The following GREB1 variants were observed in gnomAD, a reference collection of about 807,000 sequenced individuals.
GREB1 encodes the protein protein GREB1.
In GREB1, 106 loss-of-function variants were observed where a neutral mutation model predicts 200.7. That is an observed-to-expected ratio of 0.53 (90% confidence interval 0.45 to 0.62). GREB1 has a LOEUF of 0.62. GREB1 is among the 20% of genes least tolerant of loss of function. The pLI, the probability that GREB1 is intolerant of heterozygous loss-of-function variation, is 0.00. For missense variants in GREB1, 2,243 were observed against 2,556.8 expected, an observed-to-expected ratio of 0.88 and a Z score of 2.65; for synonymous variants, 1,132 against 1,092.4, an observed-to-expected ratio of 1.04 and a Z score of -0.72.
intron 1 of GREB1, among the ~76,000 whole-genome samples, chr2:11,506,703 T>A (rs567160695): frequency 6.6e-6 from 1 of 152,108 alleles, no homozygotes; most frequent in Non-Finnish European, 1.5e-5. Flanking sequence ...AGGGATGAGA[T>A]CATGGAAGCT....
At chr2:11,527,789 G>A (rs907048005) in intron 1 of GREB1, among the ~76,000 whole-genome samples, 2 of 152,116 alleles carry the variant, frequency 1.3e-5, no homozygotes, top group African/African-American at 2.4e-5. Context: ...CTGGTGTGAC[G>A]GGTGCTCCAA....
Position 11,587,975 on chromosome 2 carries a change from C to T in GREB1, c.1160-771C>T, listed in dbSNP as rs1012034626. On this transcript the variant is annotated intron_variant, in intron 9 of 32. Coordinates refer to ENST00000381486, the MANE Select transcript of GREB1 (RefSeq NM_014668.4). ...GCACGGTGGCTCACGCCTGTAATCC[C>T]AGAACTTTGAGAGGCCGAGGCGGGT... 5.1e-6 allele frequency: 5 copies of T among 982,774 alleles called. No homozygotes were observed. The East Asian group carries it at 4.5e-4, about 88-fold the overall frequency. 60.9% of individuals were successfully genotyped at this position (982,774 alleles called of 1,614,324 possible).
At chr2:11,626,836 T>C in intron 24 of GREB1, 126 bp from the exon 25 acceptor site, 1 of 940,868 alleles carries the variant, frequency 1.1e-6, no homozygotes, top group Non-Finnish European at 1.7e-6. Flanking sequence ...TGAGAGGCAG[T>C]CCTCCCCAAC....
At chr2:11,583,595 C>T (rs1679742101) in intron 7 of GREB1, among the ~76,000 whole-genome samples, 1 of 152,050 alleles carries the variant, frequency 6.6e-6, no homozygotes, top group Non-Finnish European at 1.5e-5. Flanking sequence ...TGCATTGGCT[C>T]ACACCTATAA....
rs751413487 is a variant in GREB1 at position 11,634,330 on chromosome 2, G to A, written c.5191G>A (p.Val1731Met). 14 of 1,613,726 alleles carry A rather than the reference G, an allele frequency of 8.7e-6. No individual in the cohort carries two copies. The Admixed American group carries it at 1.0e-4, about 12-fold the overall frequency. ...CCTGAACGTGGACCTGACCCAGAACGTGCAGTACAACCAGAACCGGTGAGC... is the reference window on the plus strand; with the variant it reads ...CCTGAACGTGGACCTGACCCAGAACATGCAGTACAACCAGAACCGGTGAGC... ...IILNVDLTQN[V>M]QYNQNRFLCD... Residue 1731 changes from valine (V) to methionine (M), a missense_variant, in exon 29 of 33, where the codon GTG (valine) becomes ATG (methionine). Val to Met is a conservative substitution (Grantham distance 21, BLOSUM62 1). Transcript: ENST00000381486.
chr2:11,595,391 G>C lies in GREB1; in HGVS notation c.1825+12G>C. ...CACCCTCTGTCCAGGTAGGCTTGTC[G>C]TGAGACAGGTGCACATGCGTATGTT... On this transcript the variant is annotated intron_variant, in intron 12 of 32. Coordinates refer to ENST00000381486, the MANE Select transcript of GREB1 (RefSeq NM_014668.4). 6.2e-7 allele frequency: 1 copy of C among 1,611,444 alleles called. No homozygotes were observed. Among genetic ancestry groups the C allele is most frequent in the Non-Finnish European group, 8.5e-7 (1 of 1,178,284 alleles).
At chr2:11,552,927 G>T (rs1352138271) in intron 1 of GREB1, among the ~76,000 whole-genome samples, 17 of 148,474 alleles carry the variant, frequency 1.1e-4, no homozygotes, top group Admixed American at 1.0e-3. Flanking sequence ...GGAGAATGGC[G>T]TGAACCCGGG....
In GREB1 at chr2:11,620,925, C is replaced by T; in HGVS notation, c.4065C>T (p.Tyr1355=). ...GPPQIGKTGA[Y]LQFLSVLSRM... is the part of the protein sequence containing the mutation. Reference sequence around the variant, plus strand: ...TACAGATCGGGAAGACAGGTGCCTACCTGCAGTTCCTCAGTGTCCTGTCCA... The same window carrying T: ...TACAGATCGGGAAGACAGGTGCCTATCTGCAGTTCCTCAGTGTCCTGTCCA... The change falls in exon 23 of 33, where the codon TAC becomes TAT. Residue 1355 remains tyrosine, a synonymous_variant. Transcript: ENST00000381486. 2 of 1,610,802 alleles carry T rather than the reference C, an allele frequency of 1.2e-6. No individual in the cohort carries two copies. The highest frequency in any genetic ancestry group is 1.3e-5 in the African/African-American group (1 of 74,996).
chr2:11,518,820 C>T (rs1348781296), intron 1 of GREB1, among the ~76,000 whole-genome samples: 4 of 150,956 alleles, frequency 2.6e-5, no homozygotes, highest in African/African-American at 9.9e-5. Flanking sequence ...AAAATCCCGC[C>T]AGGCGAGGTG....
chr2:11,580,744 T>C lies in GREB1; in HGVS notation c.813T>C (p.Gly271=). The C allele has an allele frequency of 6.2e-7, 1 of 1,614,164 alleles. No homozygotes were observed. Among genetic ancestry groups the C allele is most frequent in the Non-Finnish European group, 8.5e-7 (1 of 1,180,016 alleles). The change falls in exon 7 of 33, where the codon GGT becomes GGC. Residue 271 remains glycine (G), a synonymous_variant. Transcript: ENST00000381486. The surrounding 1 kb of genome is among the most constrained non-coding windows in gnomAD (Gnocchi z 4.5). ...SDHPSLNAAM[G]PAVFNGKDSP... ...ACCCCTCACTAAACGCAGCAATGGG[T>C]CCGGCTGTTTTCAACGGCAAAGATT...
intron 7 of GREB1, among the ~76,000 whole-genome samples, chr2:11,581,898 A>G (rs192972308): frequency 6.6e-6 from 1 of 152,312 alleles, no homozygotes; most frequent in East Asian, 1.9e-4. Flanking sequence ...CTGAAGGGGC[A>G]AAGGTAGTTT....
At chr2:11,556,328 C>T in intron 1 of GREB1, 126 bp from the exon 2 acceptor site, 1 of 233,734 alleles carries the variant, frequency 4.3e-6, no homozygotes, top group Middle Eastern at 1.3e-3. Flanking sequence ...AAGTGGGAGT[C>T]CTGTGAAACC....
chr2:11,551,867 C>T (rs993015826), intron 1 of GREB1, among the ~76,000 whole-genome samples: 1 of 152,240 alleles, frequency 6.6e-6, no homozygotes, highest in South Asian at 2.1e-4. Context: ...ACCAAGTTCT[C>T]ACTGATTTCT....
rs1369678858 is a variant in GREB1 at position 11,588,850 on chromosome 2, G to A, written c.1264G>A (p.Glu422Lys). ...QNSQSVSRAY[E>K]QYGASAIQPI... Reference sequence around the variant, plus strand: ...TTCCCAGTCTGTCTCACGGGCATACGAGCAGTACGGCGCCTCTGCCATCCA... The same window carrying A: ...TTCCCAGTCTGTCTCACGGGCATACAAGCAGTACGGCGCCTCTGCCATCCA... Residue 422 changes from glutamate (E) to lysine (K), a missense_variant, in exon 10 of 33, where the codon GAG (glutamate) becomes AAG (lysine). Glu to Lys is a moderately conservative substitution (Grantham distance 56). Coordinates refer to ENST00000381486, the MANE Select transcript of GREB1 (RefSeq NM_014668.4). The A allele has an allele frequency of 1.4e-5, 22 of 1,613,966 alleles. 1 individual carries two copies. The highest frequency in any genetic ancestry group is 1.3e-4 in the East Asian group (6 of 44,890).
intron 4 of GREB1, 71 bp downstream of exon 4, chr2:11,566,727 CG>C (rs1677709242): frequency 7.2e-6 from 10 of 1,390,662 alleles, no homozygotes; most frequent in South Asian, 1.5e-5. Flanking sequence ...GAGGTCACGG[CG>C]GGGGGTGGTG....
intron 17 of GREB1, among the ~76,000 whole-genome samples, chr2:11,604,440 G>C (rs1274272074): frequency 6.6e-6 from 1 of 152,120 alleles, no homozygotes; most frequent in African/African-American, 2.4e-5. Flanking sequence ...GCTTCTGTTG[G>C]CTGCTAGCAC....
At position 11,602,409 on chromosome 2, in the gene GREB1, G is replaced by A; in HGVS notation, c.2533G>A (p.Val845Met). ...CCGACGCTCTTCTTTGTTTTAGGGA[G>A]TGGACTTATATCATGAAAATAAGAA... ...IHWPASCSNG[V>M]DLYHENKKYF... Residue 845 changes from valine to methionine, a missense_variant, in exon 17 of 33, where the codon GTG (valine) becomes ATG (methionine). Physicochemically the swap from Val to Met is conservative, Grantham distance 21 (BLOSUM62 1). Transcript: ENST00000381486. 1 of 1,613,592 alleles carries A rather than the reference G, an allele frequency of 6.2e-7. No individual in the cohort carries two copies. Among genetic ancestry groups the A allele is most frequent in the East Asian group, 2.2e-5 (1 of 44,888 alleles).
Position 11,492,645 on chromosome 2 carries a change from C to T in GREB1, c.-159+10264C>T, listed in dbSNP as rs1672797619. Reference sequence around the variant, plus strand: ...GTGGGGACAGTGGGAATCAAGTTTGCCAGAATCAATGTAAGGGAAGAGAAA... The same window carrying T: ...GTGGGGACAGTGGGAATCAAGTTTGTCAGAATCAATGTAAGGGAAGAGAAA... On this transcript the variant is annotated intron_variant, in intron 1 of 2. Coordinates refer to the GREB1 transcript ENST00000628795. This position sits in a 1 kb window ranked among gnomAD's most constrained non-coding sequence, Gnocchi z 4.0. Among the ~76,000 whole-genome samples, 2 of 152,232 alleles carry T rather than the reference C, an allele frequency of 1.3e-5. No homozygotes were observed. Among genetic ancestry groups the T allele is most frequent in the Middle Eastern group, 3.4e-3 (1 of 294 alleles).
chr2:11,504,017 C>T (rs1187317816), intron 1 of GREB1, among the ~76,000 whole-genome samples: 1 of 152,022 alleles, frequency 6.6e-6, no homozygotes, highest in Non-Finnish European at 1.5e-5. Flanking sequence ...ATAATAATAA[C>T]TAATAATAAA....
Sources: allele counts gnomAD v4.1 joint callset (sites outside exome capture counted in the v4.1 genomes callset), GRCh38; gene constraint gnomAD v4.1.1; non-coding constraint Gnocchi (gnomAD v3.1); transcripts MANE v1.5; gene names NCBI Gene and HGNC (gene_info 2026-07-23, HGNC 2026-07-21).